NRG3: variants seen among roughly 807,000 people sequenced by gnomAD.
The protein encoded by NRG3 is pro-neuregulin-3, membrane-bound isoform.
In NRG3, 31 loss-of-function variants were observed where a neutral mutation model predicts 66.9. That is an observed-to-expected ratio of 0.46 (90% CI 0.35 to 0.63). The LOEUF is 0.63. Among genes scored for constraint, NRG3 ranks in the 20% least tolerant of loss-of-function variants. The probability of loss-of-function intolerance (pLI) is 0.00; values close to 1 mark genes in which losing one functional copy is unlikely to be tolerated. For synonymous variants in NRG3, 393 were observed against 359.4 expected (o/e 1.09, Z -1.06); for missense variants, 910 against 878.9 (o/e 1.04, Z -0.45).
At chr10:82,010,468 T>A (rs2061532971) in intron 1 of NRG3, among the ~76,000 whole-genome samples, 1 of 152,202 alleles carries the variant, frequency 6.6e-6, no homozygotes, top group African/African-American at 2.4e-5. Context: ...AGGTGTAGTG[T>A]CTATAACCAT....
Position 82,525,761 on chromosome 10 carries a change from T to C in NRG3, c.953+166893T>C, listed in dbSNP as rs559049346. On this transcript the variant is annotated intron_variant, in intron 2 of 8. Transcript: ENST00000372141. Reference sequence around the variant, plus strand: ...TAGAAAGAATTTCATATATGGGAATTATCAGAGACAGATCATAAAACAGCC... The same window carrying C: ...TAGAAAGAATTTCATATATGGGAATCATCAGAGACAGATCATAAAACAGCC... Among the ~76,000 whole-genome samples the C allele has an allele frequency of 3.3e-5, 5 of 151,990 alleles. No individual in the cohort carries two copies. The East Asian group carries it at 9.7e-4, about 29-fold the overall frequency.
At chr10:82,394,861 G>T (rs1392968830) in intron 2 of NRG3, among the ~76,000 whole-genome samples, 1 of 152,156 alleles carries the variant, frequency 6.6e-6, no homozygotes, top group Admixed American at 6.5e-5. Flanking sequence ...TACAATGGAA[G>T]TAAGTCTTAG....
intron 3 of NRG3, among the ~76,000 whole-genome samples, chr10:82,813,517 A>G (rs950493806): frequency 1.3e-5 from 2 of 152,106 alleles, no homozygotes; most frequent in Non-Finnish European, 2.9e-5. Context: ...CCCAGCCTGT[A>G]CCTTTTTAAA....
rs1564593807 is a variant in NRG3, at chr10:82,132,511, TATATGATATATATG to T, written c.824-226223_824-226210del. ...ATATATGATATATATATATCATATA[TATATGATATATATG>T]ATATATATATGATATATATATATCT... On this transcript the variant is annotated intron_variant, in intron 1 of 8. Transcript: ENST00000372141. 9.5e-4 allele frequency among the ~76,000 whole-genome samples: 12 copies of T among 12,676 alleles called. 1 individual carries two copies. Among genetic ancestry groups the T allele is most frequent in the Non-Finnish European group, 1.8e-3 (9 of 5,104 alleles). 8.3% of individuals were successfully genotyped at this position (12,676 alleles called of 152,430 possible). A position where few individuals can be genotyped will look rare whatever the true frequency, so the allele number is the denominator to read the frequency against.
intron 4 of NRG3, among the ~76,000 whole-genome samples, chr10:82,909,096 G>A (rs1184887036): frequency 3.3e-5 from 5 of 152,206 alleles, no homozygotes; most frequent in Admixed American, 2.6e-4. Context: ...GCCTTGCGTA[G>A]AAAGACTTAA....
chr10:82,496,427 C>T (rs2132299665), intron 2 of NRG3, among the ~76,000 whole-genome samples: 1 of 152,130 alleles, frequency 6.6e-6, no homozygotes, highest in East Asian at 1.9e-4. Flanking sequence ...TCTCTCTTTT[C>T]CCATTTAAAA....
At chr10:82,686,768 G>C (rs1338334140) in intron 2 of NRG3, among the ~76,000 whole-genome samples, 1 of 152,170 alleles carries the variant, frequency 6.6e-6, no homozygotes, top group Non-Finnish European at 1.5e-5. Context: ...CCTCCGTTTT[G>C]ACTTATTTCC....
chr10:82,871,409 G>A (rs1841328944), intron 4 of NRG3, among the ~76,000 whole-genome samples: 1 of 151,744 alleles, frequency 6.6e-6, no homozygotes, highest in Non-Finnish European at 1.5e-5. Context: ...TGGATCTACT[G>A]CCTCTCCCTA....
intron 4 of NRG3, among the ~76,000 whole-genome samples, chr10:82,912,643 T>C (rs1438550909): frequency 6.6e-6 from 1 of 152,220 alleles, no homozygotes; most frequent in Non-Finnish European, 1.5e-5. Context: ...TATTTATATT[T>C]ATAGTGATTT....
In NRG3 at chr10:82,865,455, G is replaced by T. The variant is rs1170768429; in HGVS notation, c.1054+18G>T. 6.2e-7 allele frequency: 1 copy of T among 1,610,754 alleles called. No individual in the cohort carries two copies. The highest frequency in any genetic ancestry group is 8.5e-7 in the Non-Finnish European group (1 of 1,177,852). On this transcript the variant is annotated intron_variant, in intron 4 of 8. Coordinates refer to ENST00000372141, the MANE Select transcript of NRG3 (RefSeq NM_001010848.4). ...ATTCATGGGTAAGACTAAACAATTT[G>T]CTCATTTAATATCCTGGAAATGCTA...
intron 1 of NRG3, among the ~76,000 whole-genome samples, chr10:82,109,809 T>G (rs1220790322): frequency 1.3e-5 from 2 of 152,068 alleles, no homozygotes; most frequent in African/African-American, 4.8e-5. Context: ...AGTACTAGTA[T>G]CCCCATGCAG....
rs190121865 is a variant in NRG3, at chr10:82,010,464, A to G, written c.823+134301A>G. 1.2e-4 allele frequency among the ~76,000 whole-genome samples: 18 copies of G among 152,324 alleles called. No individual in the cohort carries two copies. The East Asian group carries it at 3.5e-3, about 29-fold the overall frequency. On this transcript the variant is annotated intron_variant, in intron 1 of 8. Coordinates refer to ENST00000372141, the MANE Select transcript of NRG3 (RefSeq NM_001010848.4). ...GACTTTCTTTTAATGTAGAAGGTGT[A>G]GTGTCTATAACCATTAATTTGTGTT...
chr10:82,907,471 T>G (rs1844860862), intron 4 of NRG3, among the ~76,000 whole-genome samples: 1 of 152,164 alleles, frequency 6.6e-6, no homozygotes, highest in Non-Finnish European at 1.5e-5. Flanking sequence ...TTTTTATTAA[T>G]CAGGATTATA....
chr10:82,499,313 A>C (rs1046884165), intron 2 of NRG3, among the ~76,000 whole-genome samples: 1 of 152,152 alleles, frequency 6.6e-6, no homozygotes. Flanking sequence ...GATAACTAAC[A>C]ATTTTGGAGA....
intron 2 of NRG3, among the ~76,000 whole-genome samples, chr10:82,512,443 G>A (rs1022594233): frequency 1.3e-5 from 2 of 151,870 alleles, no homozygotes; most frequent in East Asian, 1.9e-4. Flanking sequence ...ATGCCACCAC[G>A]CTTGGCTAAT....
At chr10:82,613,565 A>G (rs2048444281) in intron 2 of NRG3, among the ~76,000 whole-genome samples, 1 of 151,946 alleles carries the variant, frequency 6.6e-6, no homozygotes. Flanking sequence ...ATTACAAGTC[A>G]AGAAAAGATG....
In NRG3 at chr10:82,075,153, TTTC is replaced by T. The variant is rs2065023103; in HGVS notation, c.823+198994_823+198996del. 2.0e-5 allele frequency among the ~76,000 whole-genome samples: 3 copies of T among 152,238 alleles called. No individual in the cohort carries two copies. In the South Asian group the frequency reaches 6.2e-4, roughly 31 times the overall value. ...TTCTTACACTGCTTAGAAACTTGTT[TTTC>T]TTCATGAAATACCTGTTCATGACAT... On this transcript the variant is annotated intron_variant, in intron 1 of 8. Coordinates refer to ENST00000372141, the MANE Select transcript of NRG3 (RefSeq NM_001010848.4).
chr10:82,979,750 T>A (rs1852655118), intron 8 of NRG3, among the ~76,000 whole-genome samples: 1 of 152,164 alleles, frequency 6.6e-6, no homozygotes, highest in Admixed American at 6.5e-5. Context: ...GAGTACAGGA[T>A]GAATGTTAAC....
intron 2 of NRG3, among the ~76,000 whole-genome samples, chr10:82,495,811 G>GACAC (rs55671097): frequency 0.59 from 85,791 of 144,642 alleles, 25,659 homozygotes; most frequent in South Asian, 0.75. Context: ...TTAGAGTGCA[G>GACAC]ACACACACAC....
Sources: gnomAD v4.1 joint callset for allele counts (sites outside exome capture counted in the v4.1 genomes callset) on GRCh38, gnomAD v4.1.1 for gene constraint, MANE v1.5 for transcripts, NCBI Gene and HGNC (gene_info 2026-07-23, HGNC 2026-07-21) for gene names.